The following USP34 variants were observed in gnomAD, a reference collection of about 807,000 sequenced individuals.
USP34 encodes the protein ubiquitin carboxyl-terminal hydrolase 34.
A neutral mutation model predicts 460.3 loss-of-function variants in USP34; 70 were observed. The ratio of observed to expected loss-of-function variants is 0.15; its 90% CI spans 0.13 to 0.19. USP34 has a LOEUF of 0.19. USP34 is among the 10% of genes least tolerant of loss of function. The pLI, the probability that USP34 is intolerant of heterozygous loss-of-function variation, is 1.00. For missense variants in USP34, 3,985 were observed against 4,236.2 expected (o/e 0.94, Z 1.65); for synonymous variants, 1,647 against 1,405.3 (o/e 1.17, Z -3.85).
chr2:61,431,866 T>C (rs536263728), intron 1 of USP34, among the ~76,000 whole-genome samples: 6 of 150,622 alleles, frequency 4.0e-5, no homozygotes, highest in Non-Finnish European at 7.4e-5. Flanking sequence ...AAAAAATAAA[T>C]AAATAAAAGA....
At chr2:61,400,186 T>C (rs1441648971) in intron 3 of USP34, among the ~76,000 whole-genome samples, 1 of 151,750 alleles carries the variant, frequency 6.6e-6, no homozygotes, top group Non-Finnish European at 1.5e-5. Context: ...CCCGGCTCAT[T>C]ACAAGCTCCG....
chr2:61,411,232 G>C (rs887661654), intron 2 of USP34, among the ~76,000 whole-genome samples: 1 of 151,750 alleles, frequency 6.6e-6, no homozygotes, highest in African/African-American at 2.4e-5. Flanking sequence ...AAAAAACAAA[G>C]TTAGGCAGGC....
chr2:61,295,374 A>G (rs1689993293), intron 30 of USP34, 84 bp from the exon 31 acceptor site: 27 of 1,385,084 alleles, frequency 1.9e-5, no homozygotes, highest in Non-Finnish European at 2.6e-5. Flanking sequence ...GACACTACAT[A>G]AAAACTCAAA....
rs137914061 is a variant in USP34 at position 61,399,343 on chromosome 2, C to CA, written c.553-4111dup. 8.9e-3 allele frequency among the ~76,000 whole-genome samples: 796 copies of CA among 89,778 alleles called. 8 individuals carry two copies. The highest frequency in any genetic ancestry group is 0.065 in the Middle Eastern group (8 of 124). 58.9% of individuals were successfully genotyped at this position (89,778 alleles called of 152,430 possible). ...GGGCAACAGGATCAAAACTCCGTCT[C>CA]AAAAAAAAAAAAAAAAATTGAGTTC... On this transcript the variant is annotated intron_variant, in intron 3 of 79. Transcript: ENST00000398571.
chr2:61,254,705 C>A (rs1196951470), intron 48 of USP34, among the ~76,000 whole-genome samples: 2 of 152,158 alleles, frequency 1.3e-5, no homozygotes, highest in Non-Finnish European at 2.9e-5. Flanking sequence ...CCTGTAATAT[C>A]AGCATTTTTG....
chr2:61,457,177 G>A (rs1404035562), intron 1 of USP34, among the ~76,000 whole-genome samples: 1 of 152,224 alleles, frequency 6.6e-6, no homozygotes, highest in Non-Finnish European at 1.5e-5. Context: ...TCAGGTGGCT[G>A]AGGTGGGAGG....
chr2:61,411,520 ACTT>A (rs1282303106), intron 2 of USP34, among the ~76,000 whole-genome samples: 10 of 152,200 alleles, frequency 6.6e-5, no homozygotes, highest in African/African-American at 2.4e-4. Context: ...ATTGAAATAT[ACTT>A]CTTTTAAATG....
At chr2:61,265,793 G>C in intron 42 of USP34, 191 bp downstream of exon 42, 1 of 698,656 alleles carries the variant, frequency 1.4e-6, no homozygotes, top group Non-Finnish European at 2.0e-6. Context: ...AGAAAAAGCC[G>C]AAGTATTTAA....
intron 3 of USP34, among the ~76,000 whole-genome samples, chr2:61,399,176 T>C (rs1693634226): frequency 6.6e-6 from 1 of 151,918 alleles, no homozygotes; most frequent in South Asian, 2.1e-4. Context: ...TGGTCTCTAC[T>C]AAAACTACAA....
At position 61,331,369 on chromosome 2, in the gene USP34, C is replaced by A; in HGVS notation, c.2837G>T (p.Trp946Leu). Reference sequence around the variant, plus strand: ...CATCATGTTCAGTTCTTTTTCTGCCCACCTGGCCCAAATAAAAGAAAAAAT... The same window carrying A: ...CATCATGTTCAGTTCTTTTTCTGCCAACCTGGCCCAAATAAAAGAAAAAAT... Reference protein sequence around the residue: ...SSYDTHWITMWAEKELNMMKL... With the variant: ...SSYDTHWITMLAEKELNMMKL... Residue 946 changes from tryptophan (W) to leucine (L), a missense_variant and splice_region_variant, in exon 20 of 80, where the codon TGG (tryptophan) becomes TTG (leucine). Physicochemically the swap from Trp to Leu is moderately conservative, Grantham distance 61. Around this residue, in one of 14 missense-constraint regions of USP34, gnomAD observed 1,114 missense variants for 1,122.5 expected, o/e 0.99. Transcript: ENST00000398571. The A allele has an allele frequency of 6.2e-7, 1 of 1,608,512 alleles. No individual in the cohort carries two copies. Among genetic ancestry groups the A allele is most frequent in the Non-Finnish European group, 8.5e-7 (1 of 1,177,664 alleles).
intron 5 of USP34, among the ~76,000 whole-genome samples, chr2:61,390,637 T>G (rs1693315458): frequency 6.6e-6 from 1 of 152,234 alleles, no homozygotes; most frequent in South Asian, 2.1e-4. Context: ...AAGAATCTGC[T>G]AAAGTTTTTG....
chr2:61,293,954 G>A (rs1689938746), intron 32 of USP34, among the ~76,000 whole-genome samples: 1 of 152,122 alleles, frequency 6.6e-6, no homozygotes, highest in African/African-American at 2.4e-5. Flanking sequence ...GGTCAAGGCT[G>A]CAGTCAGCCA....
intron 27 of USP34, among the ~76,000 whole-genome samples, chr2:61,303,375 G>C (rs1364538584): frequency 6.6e-6 from 1 of 151,778 alleles, no homozygotes; most frequent in African/African-American, 2.4e-5. Context: ...CCAGAATATC[G>C]TAACATCTTA....
chr2:61,455,300 T>A (rs1263470519), intron 1 of USP34, among the ~76,000 whole-genome samples: 1 of 152,088 alleles, frequency 6.6e-6, no homozygotes, highest in Non-Finnish European at 1.5e-5. Flanking sequence ...TGCCTCAGCC[T>A]CCTGGGTAGC....
intron 75 of USP34, among the ~76,000 whole-genome samples, chr2:61,198,104 C>T (rs1445539573): frequency 6.6e-6 from 1 of 152,128 alleles, no homozygotes; most frequent in Non-Finnish European, 1.5e-5. Context: ...ATTAAAATTA[C>T]AAAACCAATG....
At position 61,335,074 on chromosome 2, in the gene USP34, T is replaced by C. The variant is rs970807467; in HGVS notation, c.2745-1103A>G. 2.0e-5 allele frequency among the ~76,000 whole-genome samples: 3 copies of C among 152,202 alleles called. No individual in the cohort carries two copies. The East Asian group carries it at 5.8e-4, about 29-fold the overall frequency. On this transcript the variant is annotated intron_variant, in intron 18 of 79. Coordinates refer to ENST00000398571, the MANE Select transcript of USP34 (RefSeq NM_014709.4). ...TTTATTAAAACTGATAAAATTTGTT[T>C]TTAAATGACAGAAAGTACTGCTTTT... is the stretch of plus-strand genomic sequence containing the variant.
At chr2:61,278,311 C>CA in intron 40 of USP34, 26 bp from the exon 41 acceptor site, 1 of 1,611,202 alleles carries the variant, frequency 6.2e-7, no homozygotes, top group Middle Eastern at 1.7e-4. Context: ...AAAATACACA[C>CA]AAGCAAGATA....
intron 23 of USP34, among the ~76,000 whole-genome samples, chr2:61,317,135 T>C (rs1690773887): frequency 6.6e-6 from 1 of 152,220 alleles, no homozygotes; most frequent in African/African-American, 2.4e-5. Flanking sequence ...GCCACTTCTT[T>C]ATAAATCAAG....
In USP34 at chr2:61,348,018, G is replaced by A. The variant is rs918193415; in HGVS notation, c.2137C>T (p.His713Tyr). The A allele has an allele frequency of 1.2e-6, 2 of 1,614,014 alleles. No homozygotes were observed. Among genetic ancestry groups the A allele is most frequent in the Non-Finnish European group, 1.7e-6 (2 of 1,180,014 alleles). ...HDISGEMNAT[H>Y]IAQGSQESCI... ...GACTCCTGAGACCCTTGTGCTATAT[G>A]AGTAGCATTCATTTCCCCTGAAATA... The change falls in exon 15 of 80, where the codon CAT becomes TAT. Residue 713 changes from histidine to tyrosine, a missense_variant. Transcript: ENST00000398571.
Sources: gnomAD v4.1 joint callset for allele counts (sites outside exome capture counted in the v4.1 genomes callset) on GRCh38, gnomAD v4.1.1 for gene constraint, gnomAD v4.1.1 regional missense constraint, MANE v1.5 for transcripts, NCBI Gene and HGNC (gene_info 2026-07-23, HGNC 2026-07-21) for gene names.